Variants in ZBBX observed in about 807,000 individuals in gnomAD.
The protein encoded by ZBBX is zinc finger B-box domain-containing protein 1.
ZBBX carries 101 observed loss-of-function variants against 108.5 expected under a neutral mutation model. That is an observed-to-expected ratio of 0.93 (90% CI 0.79 to 1.10). The LOEUF is 1.10. Ranked by LOEUF, ZBBX falls within the 50% of genes least tolerant of loss-of-function variation. ZBBX has a pLI of 0.00. For synonymous variants in ZBBX, 356 were observed against 323.4 expected (o/e 1.10, Z -1.08); for missense variants, 1,009 against 941.4 (o/e 1.07, Z -0.94).
At chr3:167,216,129 G>A in the ZBBX span, among the ~76,000 whole-genome samples, 1 of 152,076 alleles carries the variant, frequency 6.6e-6, no homozygotes, top group Non-Finnish European at 1.5e-5. Context: ...TCTAGCCAGA[G>A]CAATCAGGCA....
intron 20 of ZBBX, among the ~76,000 whole-genome samples, chr3:167,276,495 T>C (rs954117889): frequency 8.6e-5 from 13 of 151,764 alleles, no homozygotes; most frequent in South Asian, 2.1e-4. Context: ...AGGGTATCAG[T>C]GATGGAAGAT....
At chr3:167,396,919 G>T (rs1748251476) in intron 1 of ZBBX, among the ~76,000 whole-genome samples, 1 of 151,480 alleles carries the variant, frequency 6.6e-6, no homozygotes, top group Non-Finnish European at 1.5e-5. Flanking sequence ...CAGGTCTTAT[G>T]TTAAATAAAA....
At chr3:167,252,890 A>G (rs1415882641) in intron 20 of ZBBX, among the ~76,000 whole-genome samples, 1 of 152,222 alleles carries the variant, frequency 6.6e-6, no homozygotes, top group Non-Finnish European at 1.5e-5. Flanking sequence ...AAATGTATCA[A>G]TTTTTAAAAT....
At chr3:167,276,746 C>T (rs1401957121) in intron 20 of ZBBX, among the ~76,000 whole-genome samples, 2 of 152,030 alleles carry the variant, frequency 1.3e-5, no homozygotes, top group Non-Finnish European at 2.9e-5. Context: ...ATAGAGAACG[C>T]CACAAAGATA....
At chr3:167,303,048 T>C (rs777494034) in intron 17 of ZBBX, among the ~76,000 whole-genome samples, 2 of 152,180 alleles carry the variant, frequency 1.3e-5, no homozygotes, top group Admixed American at 6.5e-5. Context: ...TTGGAACAAA[T>C]AGAGTCAGTG....
rs1247767351 is a variant in ZBBX, at chr3:167,240,322, A to T, written c.*471T>A. 6.6e-6 allele frequency: 1 copy of T among 152,326 alleles called. No homozygotes were observed. The highest frequency in any genetic ancestry group is 1.5e-5 in the Non-Finnish European group (1 of 68,170). 9.4% of individuals were successfully genotyped at this position (152,326 alleles called of 1,614,324 possible). ...GGTCCTCTTTTTTTCTTTTATTGCA[A>T]ATTTTTGAAGATACCAGAACTTCTA... is the stretch of plus-strand genomic sequence containing the variant. On this transcript the variant is annotated 3_prime_UTR_variant, in exon 22 of 22. Transcript: ENST00000675490.
intron 18 of ZBBX, among the ~76,000 whole-genome samples, chr3:167,294,078 C>T (rs914002064): frequency 1.3e-5 from 2 of 152,142 alleles, no homozygotes; most frequent in Non-Finnish European, 2.9e-5. Flanking sequence ...ATTTCATGCT[C>T]ATGGATTGGA....
rs757633466 is a variant in ZBBX, at chr3:167,274,980, C to T, written c.2254+7258G>A. The stretch of plus-strand genomic sequence containing the variant: ...TTGATGAGGAAACTAAATTTATATT[C>T]GAGTGCTGTTTCTTTTGCGGCATCG... On this transcript the variant is annotated intron_variant, in intron 20 of 21. Transcript: ENST00000675490. Among the ~76,000 whole-genome samples, 6 of 152,248 alleles carry T rather than the reference C, an allele frequency of 3.9e-5. No individual in the cohort carries two copies. In the South Asian group the frequency reaches 1.0e-3, roughly 26 times the overall value.
chr3:167,275,464 C>T (rs1290122403), intron 20 of ZBBX, among the ~76,000 whole-genome samples: 1 of 152,238 alleles, frequency 6.6e-6, no homozygotes, highest in Admixed American at 6.5e-5. Context: ...TTGCCTCACT[C>T]GGGAAGCACA....
chr3:167,271,711 T>C (rs1331497706), intron 20 of ZBBX, among the ~76,000 whole-genome samples: 1 of 152,004 alleles, frequency 6.6e-6, no homozygotes. Context: ...AACAAACAAG[T>C]TATAAAGAAA....
chr3:167,378,519 T>C (rs759074481), intron 2 of ZBBX, among the ~76,000 whole-genome samples: 8 of 152,080 alleles, frequency 5.3e-5, no homozygotes, highest in Admixed American at 1.3e-4. Context: ...ATGTAGAAAA[T>C]GGTAAGGATC....
intron 16 of ZBBX, among the ~76,000 whole-genome samples, chr3:167,313,442 ATT>A (rs930837490): frequency 6.6e-6 from 1 of 151,662 alleles, no homozygotes. Context: ...TGCCAGGCTA[ATT>A]TTTTTTATTT....
At position 167,317,065 on chromosome 3, in the gene ZBBX, T is replaced by G; in HGVS notation, c.1134A>C (p.Pro378=). 6.2e-7 allele frequency: 1 copy of G among 1,611,120 alleles called. No individual in the cohort carries two copies. The highest frequency in any genetic ancestry group is 8.5e-7 in the Non-Finnish European group (1 of 1,178,112). ...GTCTCTCTATGTTTAATGTTTCTAC[T>G]GGCAATAAAAGAGCTGTGTGTTGTA... ...TKVQHTALLL[P]VETLNIERPE... Residue 378 remains proline, a synonymous_variant, in exon 14 of 22, where the codon CCA becomes CCC. Transcript: ENST00000675490.
chr3:167,391,560 G>A (rs915123030), intron 1 of ZBBX, among the ~76,000 whole-genome samples: 7 of 151,974 alleles, frequency 4.6e-5, no homozygotes, highest in Non-Finnish European at 5.9e-5. Context: ...AGAAGGAATG[G>A]TACCAGCTCC....
intron 1 of ZBBX, among the ~76,000 whole-genome samples, chr3:167,407,089 G>T (rs1021555773): frequency 1.3e-5 from 2 of 152,008 alleles, no homozygotes; most frequent in African/African-American, 4.8e-5. Context: ...CCAGTCTGCT[G>T]GGTGGCGCCA....
At chr3:167,295,752 TATATATAAA>T (rs1731573729) in intron 18 of ZBBX, among the ~76,000 whole-genome samples, 2 of 15,688 alleles carry the variant, frequency 1.3e-4, no homozygotes, top group Non-Finnish European at 2.2e-4. Flanking sequence ...TATATATATA[TATATATAAA>T]AAAAACTAGT....
rs376134913 is a variant in ZBBX at position 167,375,889 on chromosome 3, T to A, written c.-131-2102A>T. Among the ~76,000 whole-genome samples the A allele has an allele frequency of 5.3e-5, 8 of 152,330 alleles. No individual in the cohort carries two copies. The East Asian group carries it at 1.2e-3, about 22-fold the overall frequency. ...GGTAGCGGTTGCCTTATGGGACTAG[T>A]TATGTTTGTACCTTCAATCCACAAA... On this transcript the variant is annotated intron_variant, in intron 2 of 21. Coordinates refer to ENST00000675490, the MANE Select transcript of ZBBX (RefSeq NM_001199201.2).
At chr3:167,356,387 G>A (rs911941821) in intron 8 of ZBBX, among the ~76,000 whole-genome samples, 3 of 151,956 alleles carry the variant, frequency 2.0e-5, no homozygotes, top group East Asian at 1.9e-4. Context: ...TATTAGATGT[G>A]CAGCATTCGA....
intron 16 of ZBBX, 59 bp from the exon 17 acceptor site, chr3:167,306,009 T>G (rs1204679997): frequency 5.2e-6 from 7 of 1,337,722 alleles, no homozygotes; most frequent in Non-Finnish European, 6.9e-6. Context: ...ATAATTAAAC[T>G]GTTAATAAAC....
Sources: gnomAD v4.1 joint callset for allele counts (sites outside exome capture counted in the v4.1 genomes callset) on GRCh38, gnomAD v4.1.1 for gene constraint, MANE v1.5 for transcripts, NCBI Gene and HGNC (gene_info 2026-07-23, HGNC 2026-07-21) for gene names.